MESD: variants seen among roughly 807,000 people sequenced by gnomAD.
The protein encoded by MESD is mesoderm development LRP chaperone.
A neutral mutation model predicts 12.9 loss-of-function variants in MESD; 7 were observed. That is an observed-to-expected ratio of 0.54 (90% CI 0.31 to 1.02). MESD has a LOEUF of 1.02. Ranked by LOEUF, MESD falls within the 50% of genes least tolerant of loss-of-function variation. MESD has a pLI of 0.05. For synonymous variants in MESD, 126 were observed against 115.6 expected, an observed-to-expected ratio of 1.09 and a Z score of -0.58; for missense variants, 342 against 296.7, an observed-to-expected ratio of 1.15 and a Z score of -1.12.
chr15:80,949,155 A>C (rs779631720), intron 4 of MESD: 2 of 590,176 alleles, frequency 3.4e-6, no homozygotes, highest in East Asian at 6.0e-5. Flanking sequence ...TGCTGGAAAC[A>C]TTCACTTTCC....
In MESD at chr15:80,952,617, C is replaced by CGTGT. The variant is rs113669846; in HGVS notation, c.*289-325_*289-322dup. Among the ~76,000 whole-genome samples, 266 of 149,296 alleles carry CGTGT rather than the reference C, an allele frequency of 1.8e-3. 1 individual carries two copies. Among genetic ancestry groups the CGTGT allele is most frequent in the African/African-American group, 5.2e-3 (214 of 40,872 alleles). ...GTTTAAAAACAAAACAACTATGTCT[C>CGTGT]GTGTGTGTGTGTGTGTGTGTGTATG... On this transcript the variant is annotated intron_variant, in intron 3 of 4. Transcript: ENST00000561312.
rs1052586531 is a variant in MESD, at chr15:80,978,914, T to G, written c.*305A>C. ...TGCTTGGAGGGGAGTGGAATCTCAG[T>G]AGAGTTGATGACTCACCAAGTGTAA... On this transcript the variant is annotated 3_prime_UTR_variant, in exon 3 of 3. Transcript: ENST00000261758. 2 of 402,416 alleles carry G rather than the reference T, an allele frequency of 5.0e-6. No individual in the cohort carries two copies. 24.9% of individuals were successfully genotyped at this position (402,416 alleles called of 1,614,324 possible).
In MESD at chr15:80,976,823, A is replaced by C. The variant is rs906232052; in HGVS notation, c.*2396T>G. 1.2e-4 allele frequency: 18 copies of C among 152,254 alleles called. 1 individual carries two copies. The highest frequency in any genetic ancestry group is 3.9e-4 in the African/African-American group (16 of 41,470). The allele number at this position is 152,254 out of a possible 1,614,324, so 9.4% of individuals were successfully genotyped here. ...AAATCTGAACACTCAAGTGTCCATCAGCAGGGACTATGCAGTGAAACAGTG... is the reference window on the plus strand; with the variant it reads ...AAATCTGAACACTCAAGTGTCCATCCGCAGGGACTATGCAGTGAAACAGTG... On this transcript the variant is annotated 3_prime_UTR_variant, in exon 3 of 3. Transcript: ENST00000261758.
downstream of MESD, among the ~76,000 whole-genome samples, chr15:80,971,633 AT>A (rs112387692): frequency 3.1e-4 from 46 of 150,550 alleles, no homozygotes; most frequent in African/African-American, 9.8e-4. Flanking sequence ...TCTTAAAACA[AT>A]TTTTTTTTTC....
intron 2 of MESD, among the ~76,000 whole-genome samples, chr15:80,979,964 G>T (rs1902530800): frequency 6.6e-6 from 1 of 152,238 alleles, no homozygotes; most frequent in Non-Finnish European, 1.5e-5. Context: ...ACACTTGGTT[G>T]TTGGACAAAA....
chr15:80,962,579 T>A (rs569347139), intron 3 of MESD, among the ~76,000 whole-genome samples: 2 of 152,288 alleles, frequency 1.3e-5, no homozygotes, highest in African/African-American at 4.8e-5. Context: ...ATTGACCACC[T>A]AATTGGAAGT....
intron 3 of MESD, among the ~76,000 whole-genome samples, chr15:80,969,463 T>C (rs74843640): frequency 0.059 from 8,901 of 151,984 alleles, 336 homozygotes; most frequent in Middle Eastern, 0.18. Context: ...ACTTGGCACA[T>C]GGGTCTGAGA....
chr15:80,963,758 G>T (rs1902128966), intron 3 of MESD, among the ~76,000 whole-genome samples: 1 of 151,876 alleles, frequency 6.6e-6, no homozygotes, highest in African/African-American at 2.4e-5. Flanking sequence ...ATGCAAAAAA[G>T]GCCTTCGAGA....
At chr15:80,988,120 C>T (rs116299916) in intron 1 of MESD, among the ~76,000 whole-genome samples, 1 of 152,320 alleles carries the variant, frequency 6.6e-6, no homozygotes, top group African/African-American at 2.4e-5. Context: ...TGTGGCAGTA[C>T]AGGTAAAACA....
At chr15:80,981,892 A>AATC in intron 2 of MESD, 58 bp downstream of exon 2, 1 of 1,149,610 alleles carries the variant, frequency 8.7e-7, no homozygotes, top group Non-Finnish European at 1.3e-6. Context: ...TAATAATAAT[A>AATC]ATAAAGAAAA....
chr15:80,947,067 T>G (rs2141759460), downstream of MESD: 1 of 1,605,992 alleles, frequency 6.2e-7, no homozygotes, highest in East Asian at 2.2e-5. Context: ...AGTTGAAAGG[T>G]AAGGGTTTGA....
chr15:80,974,240 G>A (rs545490635), downstream of MESD, among the ~76,000 whole-genome samples: 6 of 152,282 alleles, frequency 3.9e-5, no homozygotes, highest in South Asian at 2.1e-4. Flanking sequence ...AGCTCCTGGC[G>A]AAGCAGACAA....
chr15:80,978,997 A>C lies in MESD; in HGVS notation c.*222T>G, dbSNP rs139130496. The stretch of plus-strand genomic sequence containing the variant: ...TAAGGAGATTTTATAGTAAACATGA[A>C]TTTGTCAGTGTCCAGTATTAATTAG... On this transcript the variant is annotated 3_prime_UTR_variant, in exon 3 of 3. Transcript: ENST00000261758. 2.6e-5 allele frequency: 15 copies of C among 586,480 alleles called. No individual in the cohort carries two copies. In the East Asian group the frequency reaches 4.1e-4, roughly 16 times the overall value. 36.3% of individuals were successfully genotyped at this position (586,480 alleles called of 1,614,324 possible).
At chr15:80,966,631 C>G (rs1052889081) in intron 3 of MESD, among the ~76,000 whole-genome samples, 18 of 152,214 alleles carry the variant, frequency 1.2e-4, no homozygotes, top group Non-Finnish European at 1.9e-4. Flanking sequence ...GCCTCTGTGT[C>G]CACTCATGCC....
intron 3 of MESD, among the ~76,000 whole-genome samples, chr15:80,954,728 G>T (rs927192254): frequency 6.6e-6 from 1 of 152,248 alleles, no homozygotes; most frequent in Non-Finnish European, 1.5e-5. Flanking sequence ...AGCTTTGAAA[G>T]CTATAAAGCA....
chr15:80,955,322 A>G (rs1006504250), intron 3 of MESD, among the ~76,000 whole-genome samples: 1 of 148,296 alleles, frequency 6.7e-6, no homozygotes, highest in Non-Finnish European at 1.5e-5. Flanking sequence ...TGTCTCTACT[A>G]AAAATACAAA....
chr15:80,971,438 G>A (rs763078350), downstream of MESD, among the ~76,000 whole-genome samples: 7 of 152,132 alleles, frequency 4.6e-5, no homozygotes, highest in Non-Finnish European at 7.4e-5. Flanking sequence ...TGAGCCCAGC[G>A]TTAGCAACAA....
At chr15:80,947,317 G>T (rs1244498161), downstream of MESD, 2 of 477,688 alleles carry the variant, frequency 4.2e-6, no homozygotes, top group Non-Finnish European at 7.6e-6. Flanking sequence ...TGCTATATTT[G>T]TTGACTCATT....
At chr15:80,970,207 G>C (rs578182466) in intron 3 of MESD, among the ~76,000 whole-genome samples, 1 of 152,162 alleles carries the variant, frequency 6.6e-6, no homozygotes, top group Non-Finnish European at 1.5e-5. Flanking sequence ...AAGCCGTGAG[G>C]CACAGCTGGT....
Sources: gnomAD v4.1 joint callset for allele counts (sites outside exome capture counted in the v4.1 genomes callset) on GRCh38, gnomAD v4.1.1 for gene constraint, MANE v1.5 for transcripts, NCBI Gene and HGNC (gene_info 2026-07-23, HGNC 2026-07-21) for gene names.